CERS3: variants seen among roughly 807,000 people sequenced by gnomAD.
CERS3 encodes the protein LAG1 homolog, ceramide synthase 3.
In CERS3, 33 loss-of-function variants were observed where a neutral mutation model predicts 50.3. The observed-to-expected ratio is 0.66, with a 90% CI of 0.50 to 0.88. The LOEUF is 0.88. Ranked by LOEUF, CERS3 falls within the 40% of genes least tolerant of loss-of-function variation. The pLI, the probability that CERS3 is intolerant of heterozygous loss-of-function variation, is 0.00. For synonymous variants in CERS3, 176 were observed against 155.2 expected, an observed-to-expected ratio of 1.13 and a Z score of -0.99; for missense variants, 470 against 460.3, an observed-to-expected ratio of 1.02 and a Z score of -0.19.
At chr15:100,514,732 A>T (rs2036444166) in intron 2 of CERS3, among the ~76,000 whole-genome samples, 1 of 152,202 alleles carries the variant, frequency 6.6e-6, no homozygotes, top group South Asian at 2.1e-4. Flanking sequence ...TTATATGATA[A>T]ATATGATCTC....
At chr15:100,496,236 G>T (rs2035810852) in intron 3 of CERS3, among the ~76,000 whole-genome samples, 1 of 152,144 alleles carries the variant, frequency 6.6e-6, no homozygotes, top group South Asian at 2.1e-4. Context: ...TACTCAAATT[G>T]TTCATAGTAA....
chr15:100,511,050 G>A (rs1267310051), intron 2 of CERS3, among the ~76,000 whole-genome samples: 2 of 152,202 alleles, frequency 1.3e-5, no homozygotes, highest in African/African-American at 2.4e-5. Flanking sequence ...CACTTTGGGA[G>A]GCTGAGTTGA....
At chr15:100,467,763 C>CTT (rs200506456) in intron 10 of CERS3, among the ~76,000 whole-genome samples, 1 of 119,598 alleles carries the variant, frequency 8.4e-6, no homozygotes, top group African/African-American at 2.9e-5. Flanking sequence ...CTCTCTCTCT[C>CTT]TCTCTCTATA....
intron 11 of CERS3, among the ~76,000 whole-genome samples, chr15:100,424,698 A>T (rs2032698007): frequency 6.6e-6 from 1 of 152,232 alleles, no homozygotes; most frequent in Non-Finnish European, 1.5e-5. Flanking sequence ...TTATGACAGC[A>T]TATGCTCATC....
intron 9 of CERS3, among the ~76,000 whole-genome samples, chr15:100,471,652 G>C (rs2034973303): frequency 6.6e-6 from 1 of 152,158 alleles, no homozygotes; most frequent in South Asian, 2.1e-4. Flanking sequence ...GCTGCATCCA[G>C]ACAGCACCAT....
chr15:100,480,487 T>C (rs1023040470), intron 5 of CERS3, among the ~76,000 whole-genome samples: 8 of 152,208 alleles, frequency 5.3e-5, no homozygotes, highest in African/African-American at 1.9e-4. Flanking sequence ...GGTTTTTATG[T>C]GGCCAGACTT....
intron 2 of CERS3, among the ~76,000 whole-genome samples, chr15:100,519,783 T>G (rs961738203): frequency 2.6e-5 from 4 of 152,234 alleles, no homozygotes; most frequent in African/African-American, 9.6e-5. Context: ...AGAGCAATAC[T>G]TAGATATTCC....
intron 4 of CERS3, among the ~76,000 whole-genome samples, chr15:100,490,304 T>C (rs2035612858): frequency 6.6e-6 from 1 of 152,292 alleles, no homozygotes; most frequent in African/African-American, 2.4e-5. Context: ...CTCTTAGAAA[T>C]TGTCTCTGGA....
intron 11 of CERS3, among the ~76,000 whole-genome samples, chr15:100,404,826 A>G (rs138096482): frequency 2.2e-3 from 337 of 152,336 alleles, no homozygotes; most frequent in African/African-American, 5.6e-3. Flanking sequence ...CCACACAAAT[A>G]TGGCTGATTG....
chr15:100,439,804 A>C (rs1217761917), intron 11 of CERS3, among the ~76,000 whole-genome samples: 1 of 152,192 alleles, frequency 6.6e-6, no homozygotes, highest in African/African-American at 2.4e-5. Context: ...AGACTGCTGA[A>C]GTCATACAAA....
chr15:100,479,349 G>T, intron 7 of CERS3, 79 bp downstream of exon 7: 1 of 1,082,560 alleles, frequency 9.2e-7, no homozygotes, highest in Non-Finnish European at 1.4e-6. Flanking sequence ...AGTAGCAGGG[G>T]ACCAAGACGT....
At chr15:100,531,176 G>A (rs940435094), upstream of CERS3, among the ~76,000 whole-genome samples, 2 of 152,198 alleles carry the variant, frequency 1.3e-5, no homozygotes, top group Non-Finnish European at 2.9e-5. Flanking sequence ...TGAAACACAT[G>A]TTATTTGCTG....
chr15:100,477,475 A>G (rs531354496), intron 7 of CERS3, among the ~76,000 whole-genome samples: 220 of 152,330 alleles, frequency 1.4e-3, no homozygotes, highest in Non-Finnish European at 2.4e-3. Flanking sequence ...AGGACAAGAA[A>G]GAATGTCTGT....
chr15:100,489,811 A>T (rs1385568352), intron 4 of CERS3, among the ~76,000 whole-genome samples: 1 of 152,244 alleles, frequency 6.6e-6, no homozygotes, highest in African/African-American at 2.4e-5. Context: ...GCAGTCAAAT[A>T]CAGGAGCTGA....
chr15:100,494,592 G>C (rs1056229290), intron 3 of CERS3, among the ~76,000 whole-genome samples: 1 of 152,068 alleles, frequency 6.6e-6, no homozygotes, highest in Non-Finnish European at 1.5e-5. Flanking sequence ...GAGCACTGAA[G>C]GCTTTATTAG....
intron 10 of CERS3, among the ~76,000 whole-genome samples, chr15:100,463,454 A>AG (rs1221806188): frequency 9.2e-5 from 14 of 151,504 alleles, no homozygotes; most frequent in Admixed American, 9.2e-4. Context: ...AAAAAAAAAA[A>AG]AAATTCTAAA....
intron 11 of CERS3, among the ~76,000 whole-genome samples, chr15:100,428,970 G>A (rs776803815): frequency 5.3e-5 from 8 of 152,228 alleles, no homozygotes; most frequent in Non-Finnish European, 1.0e-4. Context: ...GAGGCCCTGC[G>A]ATGTGAGAGC....
chr15:100,484,948 G>A (rs1397479957), intron 4 of CERS3, among the ~76,000 whole-genome samples: 1 of 152,222 alleles, frequency 6.6e-6, no homozygotes, highest in Non-Finnish European at 1.5e-5. Flanking sequence ...GCATGTGTGA[G>A]CTCACTTGTT....
chr15:100,430,723 A>T (rs536091307), intron 11 of CERS3, among the ~76,000 whole-genome samples: 1 of 139,442 alleles, frequency 7.2e-6, no homozygotes, highest in African/African-American at 2.6e-5. Flanking sequence ...AAAAAAATAC[A>T]TTCAGTCAGT....
Sources: gnomAD v4.1 joint callset for allele counts (sites outside exome capture counted in the v4.1 genomes callset) on GRCh38, gnomAD v4.1.1 for gene constraint, MANE v1.5 for transcripts, NCBI Gene and HGNC (gene_info 2026-07-23, HGNC 2026-07-21) for gene names.